ACYP2: variants seen among roughly 807,000 people sequenced by gnomAD.
ACYP2 encodes acylphosphatase-2.
Under a neutral mutation model 11.2 loss-of-function variants are expected in ACYP2, and 12 were observed. The observed-to-expected ratio is 1.08, with a 90% CI of 0.69 to 1.74. The LOEUF (loss-of-function observed/expected upper bound fraction) is 1.74, where lower values mean the gene tolerates loss of function less well. Ranked by LOEUF, ACYP2 falls within the 40% of genes most tolerant of loss-of-function variation. The probability of loss-of-function intolerance (pLI) is 0.00; values close to 1 mark genes in which losing one functional copy is unlikely to be tolerated. For synonymous variants in ACYP2, 43 were observed against 32.2 expected (o/e 1.33, Z -1.13); for missense variants, 134 against 101.9 (o/e 1.31, Z -1.35).
At chr2:54,239,470 C>CTAA (rs1686638710) in intron 6 of ACYP2, among the ~76,000 whole-genome samples, 1 of 152,178 alleles carries the variant, frequency 6.6e-6, no homozygotes, top group South Asian at 2.1e-4. Flanking sequence ...TAGAATGAAG[C>CTAA]TAATAATCTC....
chr2:54,242,622 C>CT (rs990413168), intron 6 of ACYP2, among the ~76,000 whole-genome samples: 1 of 152,032 alleles, frequency 6.6e-6, no homozygotes, highest in African/African-American at 2.4e-5. Context: ...TTTACTATAC[C>CT]TTTTTTATGT....
rs1020313336 is a variant in ACYP2 at position 54,023,905 on chromosome 2, C to T, written c.63-27053C>T. Among the ~76,000 whole-genome samples the T allele has an allele frequency of 3.9e-5, 6 of 152,158 alleles. No homozygotes were observed. The South Asian group carries it at 1.0e-3, about 26-fold the overall frequency. ...TGGTACCAATTCTGTTGACACTATT[C>T]CAGAAGATAAAGAGGGAATCCTTCC... is the stretch of plus-strand genomic sequence containing the variant. On this transcript the variant is annotated intron_variant, in intron 2 of 6. Transcript: ENST00000607452.
chr2:54,161,022 C>A (rs1682686504), intron 6 of ACYP2, among the ~76,000 whole-genome samples: 1 of 152,184 alleles, frequency 6.6e-6, no homozygotes, highest in South Asian at 2.1e-4. Flanking sequence ...TTACCTGGCA[C>A]CTTGTTAGAA....
At chr2:54,140,756 G>T (rs191162959) in intron 6 of ACYP2, among the ~76,000 whole-genome samples, 1 of 152,026 alleles carries the variant, frequency 6.6e-6, no homozygotes, top group Admixed American at 6.5e-5. Context: ...CTTATTGCTG[G>T]AAATGCATTT....
At chr2:53,995,005 A>G (rs1451166262) in intron 2 of ACYP2, among the ~76,000 whole-genome samples, 3 of 152,206 alleles carry the variant, frequency 2.0e-5, no homozygotes, top group African/African-American at 4.8e-5. Context: ...CGCTATGACA[A>G]GAGTGTCTTT....
chr2:54,140,916 C>T (rs1681567744), intron 6 of ACYP2, among the ~76,000 whole-genome samples: 1 of 152,138 alleles, frequency 6.6e-6, no homozygotes, highest in South Asian at 2.1e-4. Context: ...GACTGCTTTA[C>T]AAAACAGCTG....
At chr2:54,227,222 T>G (rs186826984) in intron 6 of ACYP2, among the ~76,000 whole-genome samples, 3 of 152,232 alleles carry the variant, frequency 2.0e-5, no homozygotes, top group Non-Finnish European at 4.4e-5. Context: ...TTTCTATTTT[T>G]CCAAAAGCAG....
intron 6 of ACYP2, among the ~76,000 whole-genome samples, chr2:54,264,350 T>A (rs1573015081): frequency 6.6e-6 from 1 of 152,100 alleles, no homozygotes; most frequent in Non-Finnish European, 1.5e-5. Context: ...GCTCTGGCGG[T>A]CAGCTTTTAT....
At chr2:54,102,843 C>A (rs1435170849) in intron 4 of ACYP2, among the ~76,000 whole-genome samples, 1 of 152,070 alleles carries the variant, frequency 6.6e-6, no homozygotes, top group Non-Finnish European at 1.5e-5. Flanking sequence ...AAAATGATTC[C>A]TGATAGCTCC....
intron 6 of ACYP2, among the ~76,000 whole-genome samples, chr2:54,170,777 G>T (rs1683191331): frequency 6.6e-6 from 1 of 151,970 alleles, no homozygotes; most frequent in African/African-American, 2.4e-5. Flanking sequence ...TTATACTTTT[G>T]GTCTCTTGAC....
At chr2:54,032,585 C>T (rs1054248590) in intron 2 of ACYP2, among the ~76,000 whole-genome samples, 6 of 152,146 alleles carry the variant, frequency 3.9e-5, no homozygotes, top group African/African-American at 1.4e-4. Context: ...GTTCCTTTTG[C>T]TTAGGATTGT....
At chr2:54,271,658 G>A (rs1688311506) in intron 6 of ACYP2, among the ~76,000 whole-genome samples, 1 of 151,812 alleles carries the variant, frequency 6.6e-6, no homozygotes, top group Non-Finnish European at 1.5e-5. Flanking sequence ...CCTTCTGCTT[G>A]GCAGCCTTGC....
At chr2:54,031,578 A>G (rs904907006) in intron 2 of ACYP2, among the ~76,000 whole-genome samples, 9 of 152,200 alleles carry the variant, frequency 5.9e-5, no homozygotes, top group South Asian at 4.1e-4. Context: ...TAGTGCCGCA[A>G]TAAACATACA....
At chr2:53,984,631 A>T (rs547351695) in intron 2 of ACYP2, among the ~76,000 whole-genome samples, 32 of 149,540 alleles carry the variant, frequency 2.1e-4, no homozygotes, top group Admixed American at 3.4e-4. Context: ...ATTATATATT[A>T]TATATATAGC....
chr2:54,010,737 C>CTTTTTTTTTTTTTTTTTTTT (rs539896151), intron 2 of ACYP2, among the ~76,000 whole-genome samples: 2 of 107,664 alleles, frequency 1.9e-5, no homozygotes, highest in African/African-American at 7.4e-5. Flanking sequence ...TTCTTTCTTT[C>CTTTTTTTTTTTTTTTTTTTT]TTTTTTTTTT....
At chr2:54,059,570 GACT>G (rs1425502806) in intron 4 of ACYP2, among the ~76,000 whole-genome samples, 2 of 152,162 alleles carry the variant, frequency 1.3e-5, no homozygotes, top group Non-Finnish European at 2.9e-5. Context: ...TTCAGATGCT[GACT>G]AATACTACAT....
chr2:54,157,195 A>G (rs1187004474), intron 6 of ACYP2, among the ~76,000 whole-genome samples: 1 of 152,112 alleles, frequency 6.6e-6, no homozygotes, highest in African/African-American at 2.4e-5. Context: ...ATTTTTTCCT[A>G]TGCATGTAAC....
intron 2 of ACYP2, among the ~76,000 whole-genome samples, chr2:53,978,583 T>A (rs983502277): frequency 2.0e-5 from 3 of 152,056 alleles, no homozygotes; most frequent in Non-Finnish European, 4.4e-5. Context: ...ACACTTCCAG[T>A]TTGTATAAGA....
At chr2:54,267,936 T>G (rs929155137) in intron 6 of ACYP2, among the ~76,000 whole-genome samples, 3 of 152,244 alleles carry the variant, frequency 2.0e-5, no homozygotes, top group Non-Finnish European at 4.4e-5. Context: ...TAAGCACATC[T>G]GTGGGTAGCT....
Sources: allele counts gnomAD v4.1 joint callset (sites outside exome capture counted in the v4.1 genomes callset), GRCh38; gene constraint gnomAD v4.1.1; transcripts MANE v1.5; gene names NCBI Gene and HGNC (gene_info 2026-07-23, HGNC 2026-07-21).